ZDHHC13: variants seen among roughly 807,000 people sequenced by gnomAD.
ZDHHC13 encodes palmitoyltransferase ZDHHC13.
Under a neutral mutation model 86.0 loss-of-function variants are expected in ZDHHC13, and 85 were observed. The ratio of observed to expected loss-of-function variants is 0.99; its 90% CI spans 0.83 to 1.18. ZDHHC13 has a LOEUF of 1.18. ZDHHC13 is among the 50% of genes most tolerant of loss of function. The pLI, the probability that ZDHHC13 is intolerant of heterozygous loss-of-function variation, is 0.00. For missense variants in ZDHHC13, 711 were observed against 730.2 expected (o/e 0.97, Z 0.30); for synonymous variants, 263 against 246.4 (o/e 1.07, Z -0.63).
chr11:19,159,084 T>C, intron 10 of ZDHHC13, 44 bp downstream of exon 10: 1 of 1,378,734 alleles, frequency 7.3e-7, no homozygotes, highest in Non-Finnish European at 1.0e-6. Context: ...CATTTTGCCT[T>C]TAAAAGAGTA....
At chr11:19,155,665 A>T in intron 8 of ZDHHC13, 131 bp from the exon 9 acceptor site, 1 of 956,754 alleles carries the variant, frequency 1.0e-6, no homozygotes, top group Non-Finnish European at 1.5e-6. Context: ...TTTTAGAGGA[A>T]AACTTTGTGT....
At chr11:19,167,013 C>T (rs117672633) in intron 14 of ZDHHC13, 4,047 of 152,274 alleles carry the variant, frequency 0.027, 90 homozygotes, top group Middle Eastern at 0.054. Context: ...CTAAGAAGGA[C>T]AGGGTTTAAA....
chr11:19,136,196 G>A (rs1390655869), intron 1 of ZDHHC13, among the ~76,000 whole-genome samples: 4 of 152,236 alleles, frequency 2.6e-5, no homozygotes, highest in Middle Eastern at 3.4e-3. Flanking sequence ...AAGAATGTAT[G>A]ACTAGAATAA....
chr11:19,151,027 GA>G (rs1351535540), intron 6 of ZDHHC13, among the ~76,000 whole-genome samples: 7 of 151,932 alleles, frequency 4.6e-5, no homozygotes, highest in African/African-American at 1.4e-4. Flanking sequence ...CTACTAATAA[GA>G]AAAAAATTTC....
chr11:19,170,332 G>T, intron 14 of ZDHHC13, 79 bp from the exon 15 acceptor site: 1 of 1,471,720 alleles, frequency 6.8e-7, no homozygotes. Flanking sequence ...ATATAGAACT[G>T]CAGTGATTTT....
At chr11:19,149,431 A>G in intron 5 of ZDHHC13, 100 bp downstream of exon 5, 1 of 1,191,928 alleles carries the variant, frequency 8.4e-7, no homozygotes, top group South Asian at 2.1e-5. Flanking sequence ...GTGGAGGTTA[A>G]TGGATATCCA....
chr11:19,162,481 G>A (rs1455962821), intron 10 of ZDHHC13, among the ~76,000 whole-genome samples: 2 of 152,034 alleles, frequency 1.3e-5, no homozygotes, highest in Non-Finnish European at 2.9e-5. Flanking sequence ...GGTTTTAATC[G>A]CAGTTAAGAC....
intron 1 of ZDHHC13, among the ~76,000 whole-genome samples, chr11:19,141,267 G>A (rs1003976667): frequency 2.6e-5 from 4 of 152,110 alleles, no homozygotes; most frequent in Non-Finnish European, 1.5e-5. Context: ...AGATATCACT[G>A]TGATTAGGGT....
intron 1 of ZDHHC13, among the ~76,000 whole-genome samples, chr11:19,125,667 T>C (rs1848858154): frequency 6.6e-6 from 1 of 152,192 alleles, no homozygotes; most frequent in African/African-American, 2.4e-5. Flanking sequence ...CTGTTTATGA[T>C]TGCCAAAAGC....
chr11:19,152,356 A>G lies in ZDHHC13; in HGVS notation c.747+36A>G, dbSNP rs1269122262. On this transcript the variant is annotated intron_variant, in intron 7 of 16. Coordinates refer to ENST00000446113, the MANE Select transcript of ZDHHC13 (RefSeq NM_019028.3). ...ATATTTATCTCCCTTAGTTTATTAT[A>G]TCTTGAGTTAGAAGATTGATAAATT... 3.8e-6 allele frequency: 6 copies of G among 1,596,964 alleles called. No homozygotes were observed. The African/African-American group carries it at 5.4e-5, about 14-fold the overall frequency.
intron 2 of ZDHHC13, among the ~76,000 whole-genome samples, chr11:19,143,518 A>G (rs996119324): frequency 2.6e-5 from 4 of 152,258 alleles, no homozygotes; most frequent in Admixed American, 2.0e-4. Context: ...CTGAATAGGT[A>G]GATGGAATGA....
intron 3 of ZDHHC13, among the ~76,000 whole-genome samples, chr11:19,146,668 G>T (rs1849476389): frequency 6.6e-6 from 1 of 152,186 alleles, no homozygotes; most frequent in Non-Finnish European, 1.5e-5. Context: ...ACGAAGAATA[G>T]ATAGGTAGGA....
chr11:19,162,369 T>G (rs1849936405), intron 10 of ZDHHC13, among the ~76,000 whole-genome samples: 1 of 152,174 alleles, frequency 6.6e-6, no homozygotes, highest in Non-Finnish European at 1.5e-5. Context: ...AGTCCACATC[T>G]GAGTGCCTTA....
In ZDHHC13 at chr11:19,157,674, C is replaced by T. The variant is rs114030466; in HGVS notation, c.1008-1266C>T. Among the ~76,000 whole-genome samples the T allele has an allele frequency of 6.9e-3, 1,045 of 152,268 alleles. 9 individuals carry two copies. The highest frequency in any genetic ancestry group is 0.024 in the African/African-American group (986 of 41,554). On this transcript the variant is annotated intron_variant, in intron 9 of 16. Transcript: ENST00000446113. ...TCACCAGGGATCAGAGTCATCACTC[C>T]TTTTTCAGAGAGGAAGCAAGGGCTG...
chr11:19,157,184 A>G (rs1347591143), intron 9 of ZDHHC13, among the ~76,000 whole-genome samples: 1 of 152,036 alleles, frequency 6.6e-6, no homozygotes, highest in Non-Finnish European at 1.5e-5. Flanking sequence ...TCCCTGTTTT[A>G]TTTTCTTGTA....
In ZDHHC13 at chr11:19,175,806, T is replaced by G. The variant is rs369280127; in HGVS notation, c.1731-16T>G. 6 of 1,605,744 alleles carry G rather than the reference T, an allele frequency of 3.7e-6. No individual in the cohort carries two copies. In the African/African-American group the frequency reaches 8.1e-5, roughly 22 times the overall value. ...AAATATAGTAAGACATGTTCTCTTT[T>G]TTTTTTTCTTGGCAGTCTTGGATTC... is the stretch of plus-strand genomic sequence containing the variant. On this transcript the variant is annotated splice_polypyrimidine_tract_variant and intron_variant, in intron 16 of 16. Transcript: ENST00000446113.
In ZDHHC13 at chr11:19,169,618, G is replaced by T. The variant is rs1359897118; in HGVS notation, c.1475-793G>T. ...CTTTTAAAAATAATTCACCCTTTAT[G>T]CATGGGCAGGGTGCCTGTAAAAGTC... On this transcript the variant is annotated intron_variant, in intron 14 of 16. Coordinates refer to ENST00000446113, the MANE Select transcript of ZDHHC13 (RefSeq NM_019028.3). The T allele has an allele frequency of 1.4e-5, 14 of 985,416 alleles. No homozygotes were observed. In the Admixed American group the frequency reaches 5.5e-4, roughly 39 times the overall value. The allele number at this position is 985,416 out of a possible 1,614,324, so 61.0% of individuals were successfully genotyped here.
At chr11:19,131,648 C>A (rs77437840) in intron 1 of ZDHHC13, among the ~76,000 whole-genome samples, 3 of 133,704 alleles carry the variant, frequency 2.2e-5, no homozygotes, top group African/African-American at 8.5e-5. Context: ...TTTTTTTTTT[C>A]TCTTTTGAGA....
intron 1 of ZDHHC13, among the ~76,000 whole-genome samples, chr11:19,138,134 T>C (rs1849199001): frequency 6.6e-6 from 1 of 151,890 alleles, no homozygotes; most frequent in Admixed American, 6.5e-5. Context: ...GCTGGTTTTT[T>C]GAAAGGATCA....
Sources: gnomAD v4.1 joint callset for allele counts (sites outside exome capture counted in the v4.1 genomes callset) on GRCh38, gnomAD v4.1.1 for gene constraint, MANE v1.5 for transcripts, NCBI Gene and HGNC (gene_info 2026-07-23, HGNC 2026-07-21) for gene names.